The following BLTP3B variants were observed in gnomAD, a reference collection of about 807,000 sequenced individuals.
BLTP3B encodes UHRF1 (ICBP90) binding protein 1-like.
At chr12:100,037,442 A>T in the BLTP3B span, 1 of 1,330,930 alleles carries the variant, frequency 7.5e-7, no homozygotes, top group Non-Finnish European at 9.5e-7. Context: ...AAAACACAAA[A>T]CAACCAAAAG....
chr12:100,043,158 A>G, the BLTP3B span, among the ~76,000 whole-genome samples: 34 of 152,254 alleles, frequency 2.2e-4, no homozygotes, highest in Non-Finnish European at 4.4e-4. Context: ...AATAGTGTAA[A>G]CATGACTTTC....
chr12:100,116,814 T>G, the BLTP3B span, among the ~76,000 whole-genome samples: 1 of 152,160 alleles, frequency 6.6e-6, no homozygotes, highest in Admixed American at 6.5e-5. Flanking sequence ...TTTTCCCAGA[T>G]GACATGATCA....
the BLTP3B span, chr12:100,039,452 C>A: frequency 8.5e-4 from 681 of 799,322 alleles, 6 homozygotes; most frequent in South Asian, 0.013. Context: ...ACACTCTAAC[C>A]ATAGCACCTA....
the BLTP3B span, chr12:100,102,905 ATATTATTAAAG>A: frequency 9.0e-7 from 1 of 1,108,134 alleles, no homozygotes; most frequent in Non-Finnish European, 1.3e-6. Context: ...TATTCTACGT[ATATTATTAAAG>A]TATTATTTAA....
chr12:100,116,638 G>T, the BLTP3B span, among the ~76,000 whole-genome samples: 1 of 151,982 alleles, frequency 6.6e-6, no homozygotes, highest in African/African-American at 2.4e-5. Flanking sequence ...CTAAAATTAC[G>T]TGTAATGAGA....
chr12:100,069,209 C>T, the BLTP3B span, among the ~76,000 whole-genome samples: 1 of 151,976 alleles, frequency 6.6e-6, no homozygotes, highest in Non-Finnish European at 1.5e-5. Flanking sequence ...AAGACTCCAT[C>T]TCAAAAAACA....
At chr12:100,059,259 T>C in the BLTP3B span, 1 of 1,613,936 alleles carries the variant, frequency 6.2e-7, no homozygotes. Context: ...AATATTTCCT[T>C]TATAAATTTC....
the BLTP3B span, chr12:100,037,400 G>C: frequency 8.1e-7 from 1 of 1,236,566 alleles, no homozygotes; most frequent in African/African-American, 1.6e-5. Flanking sequence ...GACTTCCCTA[G>C]ATCACAACAG....
the BLTP3B span, among the ~76,000 whole-genome samples, chr12:100,101,034 T>C: frequency 6.6e-6 from 1 of 152,226 alleles, no homozygotes; most frequent in African/African-American, 2.4e-5. Context: ...CTATCAACTA[T>C]ACTAAGCACA....
the BLTP3B span, among the ~76,000 whole-genome samples, chr12:100,127,686 G>A: frequency 1.3e-5 from 2 of 152,266 alleles, no homozygotes; most frequent in South Asian, 4.1e-4. Context: ...GGAGAGGGTA[G>A]AAGAGAATGC....
the BLTP3B span, among the ~76,000 whole-genome samples, chr12:100,082,851 T>C: frequency 1.3e-5 from 2 of 152,228 alleles, no homozygotes; most frequent in African/African-American, 2.4e-5. Context: ...TGAGTAACCA[T>C]ATAATCAAAA....
At chr12:100,135,281 C>CTTTTTTTTTTT in the BLTP3B span, among the ~76,000 whole-genome samples, 7,690 of 140,654 alleles carry the variant, frequency 0.055, 334 homozygotes, top group South Asian at 0.07. Flanking sequence ...TTCTTTCTTT[C>CTTTTTTTTTTT]TTTTTTTTTT....
At chr12:100,058,224 T>C in the BLTP3B span, 3 of 1,612,730 alleles carry the variant, frequency 1.9e-6, no homozygotes, top group Non-Finnish European at 2.5e-6. Flanking sequence ...TGAAAGTATA[T>C]TCGAATCTTC....
At chr12:100,047,920 T>C in the BLTP3B span, 2 of 1,428,194 alleles carry the variant, frequency 1.4e-6, no homozygotes, top group Non-Finnish European at 1.8e-6. Flanking sequence ...AACATGAAAA[T>C]ATAAAATTAT....
the BLTP3B span, among the ~76,000 whole-genome samples, chr12:100,111,631 A>C: frequency 1.1e-4 from 16 of 151,660 alleles, 1 homozygote; most frequent in East Asian, 2.3e-3. Context: ...GTTTTGAGAC[A>C]GTCTTGCTCT....
At chr12:100,118,458 T>C in the BLTP3B span, among the ~76,000 whole-genome samples, 1 of 151,996 alleles carries the variant, frequency 6.6e-6, no homozygotes, top group South Asian at 2.1e-4. Flanking sequence ...GTCTGAGAAA[T>C]GGGCACAACC....
the BLTP3B span, chr12:100,059,836 T>C: frequency 6.3e-7 from 1 of 1,597,674 alleles, no homozygotes; most frequent in Non-Finnish European, 8.5e-7. Flanking sequence ...TACTACTACT[T>C]GTTTGTATGA....
the BLTP3B span, among the ~76,000 whole-genome samples, chr12:100,126,872 G>A: frequency 6.6e-6 from 1 of 152,118 alleles, no homozygotes; most frequent in African/African-American, 2.4e-5. Flanking sequence ...TATGTCCTAG[G>A]TTTAGGATAA....
the BLTP3B span, among the ~76,000 whole-genome samples, chr12:100,115,498 G>A: frequency 2.0e-5 from 3 of 152,208 alleles, no homozygotes; most frequent in Non-Finnish European, 1.5e-5. Context: ...GCCGGGCGTC[G>A]TGGCTCACAC....
Sources: gnomAD v4.1 joint callset for allele counts (sites outside exome capture counted in the v4.1 genomes callset) on GRCh38, gnomAD v4.1.1 for gene constraint, MANE v1.5 for transcripts, NCBI Gene and HGNC (gene_info 2026-07-23, HGNC 2026-07-21) for gene names.